Variants in TLK2 observed in about 807,000 individuals in gnomAD.
TLK2 encodes the protein tousled like kinase 2.
A neutral mutation model predicts 117.3 loss-of-function variants in TLK2; 6 were observed. The observed-to-expected ratio is 0.05, with a 90% CI of 0.03 to 0.10. The LOEUF is 0.10. TLK2 is among the 10% of genes least tolerant of loss of function. TLK2 has a pLI of 1.00. For missense variants in TLK2, 299 were observed against 901.2 expected (o/e 0.33, Z 8.56); for synonymous variants, 257 against 316.7 (o/e 0.81, Z 2.00).
In TLK2 at chr17:62,613,238, A is replaced by G. The variant is rs1379951364; in HGVS notation, c.*673A>G. Reference sequence around the variant, plus strand: ...CAAGTACGTGGCAATGTTCATTCCAATCAGATGCAGCTTTCTCCTCCGTCT... The same window carrying G: ...CAAGTACGTGGCAATGTTCATTCCAGTCAGATGCAGCTTTCTCCTCCGTCT... On this transcript the variant is annotated 3_prime_UTR_variant, in exon 22 of 22. Coordinates refer to ENST00000346027, the MANE Select transcript of TLK2 (RefSeq NM_006852.6). The G allele has an allele frequency of 6.6e-6, 1 of 152,620 alleles. No homozygotes were observed. The highest frequency in any genetic ancestry group is 1.5e-5 in the Non-Finnish European group (1 of 68,020). 9.5% of individuals were successfully genotyped at this position (152,620 alleles called of 1,614,324 possible).
At chr17:62,564,720 A>G (rs1214545870) in intron 10 of TLK2, among the ~76,000 whole-genome samples, 1 of 150,622 alleles carries the variant, frequency 6.6e-6, no homozygotes, top group Non-Finnish European at 1.5e-5. Flanking sequence ...AAAAAAAAAC[A>G]AACAAAAAAC....
At chr17:62,523,844 G>A (rs1386338617) in intron 5 of TLK2, among the ~76,000 whole-genome samples, 1 of 152,130 alleles carries the variant, frequency 6.6e-6, no homozygotes, top group Non-Finnish European at 1.5e-5. Flanking sequence ...CCTCCCTTTA[G>A]TACAGTGGAA....
chr17:62,610,913 C>T (rs954239253), intron 21 of TLK2, among the ~76,000 whole-genome samples: 19 of 152,136 alleles, frequency 1.2e-4, no homozygotes, highest in Non-Finnish European at 2.4e-4. Flanking sequence ...GATGAGGTGG[C>T]AGGATTGCTT....
chr17:62,516,631 A>G (rs1049453874), intron 2 of TLK2: 12 of 1,610,116 alleles, frequency 7.5e-6, no homozygotes, highest in South Asian at 5.5e-5. Flanking sequence ...CATGGCCTTC[A>G]TGACATGAAG....
intron 6 of TLK2, among the ~76,000 whole-genome samples, chr17:62,530,063 A>G (rs1225066105): frequency 1.3e-5 from 2 of 152,108 alleles, no homozygotes; most frequent in Admixed American, 6.6e-5. Flanking sequence ...TCATGAGGTC[A>G]GGAGTTCGAG....
In TLK2 at chr17:62,612,487, G is replaced by A; in HGVS notation, c.2175G>A (p.Lys725=). The A allele has an allele frequency of 6.2e-7, 1 of 1,614,206 alleles. No individual in the cohort carries two copies. The highest frequency in any genetic ancestry group is 8.5e-7 in the Non-Finnish European group (1 of 1,180,032). ...CDPYLLPHIR[K]SVSTSSPAGA... The stretch of plus-strand genomic sequence containing the variant: ...CCTACTTGTTGCCTCACATCCGAAA[G>A]TCAGTCTCTACAAGTAGCCCTGCTG... The change falls in exon 22 of 22, where the codon AAG becomes AAA. Residue 725 remains lysine (K), a synonymous_variant. Transcript: ENST00000346027.
At chr17:62,489,174 CGT>C (rs59470331) in intron 2 of TLK2, among the ~76,000 whole-genome samples, 3,616 of 140,772 alleles carry the variant, frequency 0.026, 50 homozygotes, top group Non-Finnish European at 0.03. Flanking sequence ...TTTAATTGTA[CGT>C]GTGTGTGTGT....
chr17:62,559,250 T>G (rs1406649702), intron 9 of TLK2, among the ~76,000 whole-genome samples: 1 of 152,218 alleles, frequency 6.6e-6, no homozygotes, highest in Non-Finnish European at 1.5e-5. Context: ...GAGGAACATT[T>G]ATGCAAATTT....
rs112880971 is a variant in TLK2, at chr17:62,568,937, T to A, written c.968+3800T>A. ...TTGTTGATTTTATAAACATTAGATC[T>A]TCTTTAGGTATCGTATACCATTTCA... is the stretch of plus-strand genomic sequence containing the variant. On this transcript the variant is annotated intron_variant, in intron 11 of 21. Transcript: ENST00000346027. Among the ~76,000 whole-genome samples, 411 of 152,286 alleles carry A rather than the reference T, an allele frequency of 2.7e-3. 1 individual carries two copies. The highest frequency in any genetic ancestry group is 9.2e-3 in the African/African-American group (381 of 41,568).
intron 2 of TLK2, among the ~76,000 whole-genome samples, chr17:62,487,305 A>G (rs535595091): frequency 6.6e-6 from 1 of 151,230 alleles, no homozygotes; most frequent in South Asian, 2.1e-4. Flanking sequence ...AAAAAAAAAA[A>G]AGAAAGAAAT....
In TLK2 at chr17:62,614,483, C is replaced by T. The variant is rs2083996972; in HGVS notation, c.*1918C>T. 6.6e-6 allele frequency: 1 copy of T among 152,208 alleles called. No homozygotes were observed. Among genetic ancestry groups the T allele is most frequent in the African/African-American group, 2.4e-5 (1 of 41,440 alleles). The allele number at this position is 152,208 out of a possible 1,614,324, so 9.4% of individuals were successfully genotyped here. On this transcript the variant is annotated 3_prime_UTR_variant, in exon 22 of 22. Transcript: ENST00000346027. ...CAAATAACTCATGACTCTAGTGTTC[C>T]TTTCACATGTGAACAGTGTCACTGA...
intron 2 of TLK2, among the ~76,000 whole-genome samples, chr17:62,510,036 T>C (rs531932139): frequency 2.6e-5 from 4 of 152,228 alleles, no homozygotes; most frequent in Non-Finnish European, 5.9e-5. Context: ...CCCAGCACTT[T>C]CGGAGGTAGA....
chr17:62,545,928 T>C (rs945114750), intron 7 of TLK2, among the ~76,000 whole-genome samples: 214 of 152,236 alleles, frequency 1.4e-3, no homozygotes, highest in Non-Finnish European at 2.5e-3. Context: ...CCACTGAGGC[T>C]GGAGTGCAGT....
At chr17:62,528,580 C>CG (rs1194289229) in intron 6 of TLK2, among the ~76,000 whole-genome samples, 1 of 152,038 alleles carries the variant, frequency 6.6e-6, no homozygotes, top group Non-Finnish European at 1.5e-5. Context: ...CCACGCCTGG[C>CG]TAATTTTTGT....
At chr17:62,598,812 C>T (rs774265886) in intron 17 of TLK2, among the ~76,000 whole-genome samples, 66 of 152,054 alleles carry the variant, frequency 4.3e-4, no homozygotes, top group Non-Finnish European at 7.5e-4. Context: ...CTTGAGCCAC[C>T]GCGCCTGGCT....
chr17:62,592,153 T>G (rs2082129829), intron 16 of TLK2, among the ~76,000 whole-genome samples: 3 of 152,006 alleles, frequency 2.0e-5, no homozygotes, highest in Admixed American at 6.6e-5. Context: ...GAGACAGGGT[T>G]TCTCCACGTT....
At chr17:62,581,438 CT>C (rs11334252) in intron 15 of TLK2, among the ~76,000 whole-genome samples, 70,209 of 120,926 alleles carry the variant, frequency 0.58, 18,227 homozygotes, top group East Asian at 0.76. Flanking sequence ...ATTCTAGTAT[CT>C]TTTTTTTTTT....
intron 7 of TLK2, among the ~76,000 whole-genome samples, chr17:62,546,601 G>A (rs1181063996): frequency 6.8e-6 from 1 of 147,514 alleles, no homozygotes; most frequent in Non-Finnish European, 1.5e-5. Flanking sequence ...TGTCACCCAG[G>A]CTGGAGTGCG....
At position 62,578,474 on chromosome 17, in the gene TLK2, T is replaced by C; in HGVS notation, c.1189-3T>C. The C allele has an allele frequency of 3.7e-6, 6 of 1,613,334 alleles. No homozygotes were observed. Among genetic ancestry groups the C allele is most frequent in the Non-Finnish European group, 4.2e-6 (5 of 1,179,542 alleles). Reference sequence around the variant, plus strand: ...TGTGCTATTTCTTTCCTTTTCGCTTTAGGAGGAAGCAGAGATCCAGGCAGA... The same window carrying C: ...TGTGCTATTTCTTTCCTTTTCGCTTCAGGAGGAAGCAGAGATCCAGGCAGA... On this transcript the variant is annotated splice_region_variant and splice_polypyrimidine_tract_variant and intron_variant, in intron 13 of 21. Coordinates refer to ENST00000346027, the MANE Select transcript of TLK2 (RefSeq NM_006852.6).
Sources: gnomAD v4.1 joint callset for allele counts (sites outside exome capture counted in the v4.1 genomes callset) on GRCh38, gnomAD v4.1.1 for gene constraint, MANE v1.5 for transcripts, NCBI Gene and HGNC (gene_info 2026-07-23, HGNC 2026-07-21) for gene names.